RAB36: variants seen among roughly 807,000 people sequenced by gnomAD.
RAB36 encodes RAB36, member RAS oncogene family.
A neutral mutation model predicts 39.3 loss-of-function variants in RAB36; 33 were observed. The ratio of observed to expected loss-of-function variants is 0.84; its 90% CI spans 0.64 to 1.12. RAB36 has a LOEUF of 1.12. Ranked by LOEUF, RAB36 falls within the 50% of genes most tolerant of loss-of-function variation. RAB36 has a pLI of 0.00. For missense variants in RAB36, 308 were observed against 355.3 expected (o/e 0.87, Z 1.07); for synonymous variants, 133 against 140.2 (o/e 0.95, Z 0.36).
In RAB36 at chr22:23,163,082, TG is replaced by T; in HGVS notation, c.*1519del. The T allele has an allele frequency of 8.3e-6, 2 of 240,826 alleles. No homozygotes were observed. Among genetic ancestry groups the T allele is most frequent in the Non-Finnish European group, 1.6e-5 (2 of 121,476 alleles). 14.9% of individuals were successfully genotyped at this position (240,826 alleles called of 1,614,324 possible). ...ATGCACCACCATGCCTGGCTAATTT[TG>T]TATTTTTAGTAGAGATGGGGTTTCT... is the stretch of plus-strand genomic sequence containing the variant. On this transcript the variant is annotated 3_prime_UTR_variant, in exon 11 of 11. Coordinates refer to ENST00000263116, the MANE Select transcript of RAB36 (RefSeq NM_004914.5).
At chr22:23,155,508 G>A (rs1360560914) in intron 5 of RAB36, among the ~76,000 whole-genome samples, 1 of 152,210 alleles carries the variant, frequency 6.6e-6, no homozygotes, top group African/African-American at 2.4e-5. Context: ...GACCTGCAGT[G>A]TGGAAGGTGA....
rs1418219408 is a variant in RAB36 at position 23,155,984 on chromosome 22, C to T, written c.346C>T (p.Gln116Ter). The T allele has an allele frequency of 6.2e-7, 1 of 1,612,348 alleles. No individual in the cohort carries two copies. Among genetic ancestry groups the T allele is most frequent in the Admixed American group, 1.7e-5 (1 of 59,830 alleles). ...ACCTCACAGCTGGGACACAGCTGGG[C>T]AGGAGAAGTTCAAGTGCATCGCATC... Reference protein sequence around the residue: ...YSLQIWDTAGQEKFKCIASAY... With the variant: ...YSLQIWDTAG The change falls in exon 6 of 11, where the codon CAG becomes TAG. Residue 116 changes from glutamine to a stop codon, truncating the protein, a stop_gained. Transcript: ENST00000263116. LOFTEE classifies it high-confidence loss of function.
Position 23,161,546 on chromosome 22 carries a change from C to T in RAB36, c.786C>T (p.Ser262=). 1 of 1,611,990 alleles carries T rather than the reference C, an allele frequency of 6.2e-7. No homozygotes were observed. The highest frequency in any genetic ancestry group is 8.5e-7 in the Non-Finnish European group (1 of 1,179,240). ...PPETQESKRP[S]SLGCC ...AGACCCAGGAGAGCAAGAGGCCCTC[C>T]AGCCTGGGCTGCTGCTAACTGGGGC... The change falls in exon 11 of 11, where the codon TCC becomes TCT. Residue 262 remains serine (S), a synonymous_variant. Transcript: ENST00000263116.
chr22:23,159,309 C>G, intron 9 of RAB36, 56 bp downstream of exon 9: 1 of 1,464,496 alleles, frequency 6.8e-7, no homozygotes, highest in Non-Finnish European at 9.3e-7. Context: ...TTGGGCCAGT[C>G]CTGTGGGGCC....
At chr22:23,158,136 G>C in intron 7 of RAB36, 93 bp downstream of exon 7, 1 of 1,564,442 alleles carries the variant, frequency 6.4e-7, no homozygotes, top group Non-Finnish European at 8.6e-7. Context: ...CCCTGACCCC[G>C]TGGTGGGTGT....
intron 4 of RAB36, among the ~76,000 whole-genome samples, chr22:23,152,831 C>T (rs755215496): frequency 1.1e-4 from 17 of 152,246 alleles, no homozygotes; most frequent in Admixed American, 3.3e-4. Flanking sequence ...TTCTAACTCA[C>T]AGCTTGCCTT....
At chr22:23,159,367 G>C in intron 9 of RAB36, 114 bp downstream of exon 9, 1 of 1,041,694 alleles carries the variant, frequency 9.6e-7, no homozygotes, top group Non-Finnish European at 1.4e-6. Flanking sequence ...TCCCTCTGTG[G>C]CCCTGGTGCA....
At position 23,150,116 on chromosome 22, in the gene RAB36, C is replaced by T; in HGVS notation, c.123C>T (p.Val41=). The T allele has an allele frequency of 1.9e-6, 3 of 1,612,600 alleles. No homozygotes were observed. Among genetic ancestry groups the T allele is most frequent in the Non-Finnish European group, 2.5e-6 (3 of 1,179,486 alleles). Residue 41 remains valine, a synonymous_variant, in exon 3 of 11, where the codon GTC becomes GTT. Transcript: ENST00000263116. The stretch of plus-strand genomic sequence containing the variant: ...TCAGGGAGCACTTCCACGGGCAGGT[C>T]AGCGCTGCCTGCCAACGCAGGAACA... ...LQLREHFHGQ[V]SAACQRRNTG...
Position 23,162,887 on chromosome 22 carries a change from A to AT in RAB36, c.*1329dup. The AT allele has an allele frequency of 1.6e-5, 5 of 318,438 alleles. 1 individual carries two copies. The Middle Eastern group carries it at 1.2e-3, about 79-fold the overall frequency. The allele number at this position is 318,438 out of a possible 1,614,324, so 19.7% of individuals were successfully genotyped here. On this transcript the variant is annotated 3_prime_UTR_variant, in exon 11 of 11. Transcript: ENST00000263116. ...TTTCTATTCATTCCCCCTTCAACAT[A>AT]TTTTTTGTAGTTTTTTATATAAATG...
At position 23,146,640 on chromosome 22, in the gene RAB36, G is replaced by C; in HGVS notation, c.24G>C (p.Leu8Phe). Residue 8 changes from leucine (L) to phenylalanine (F), a missense_variant, in exon 2 of 11, where the codon TTG becomes TTC. By Grantham distance (22) the Leu-to-Phe change is conservative. Coordinates refer to ENST00000263116, the MANE Select transcript of RAB36 (RefSeq NM_004914.5). Reference protein sequence around the residue: MRSSLTPLGPPVSRDRVI... With the variant: MRSSLTPFGPPVSRDRVI... ...GAATGAGGTCCTCCCTGACACCTTT[G>C]GGGCCCCCTGTGAGCCGCGACCGTG... is the stretch of plus-strand genomic sequence containing the variant. 1 of 1,614,036 alleles carries C rather than the reference G, an allele frequency of 6.2e-7. No homozygotes were observed. Among genetic ancestry groups the C allele is most frequent in the African/African-American group, 1.3e-5 (1 of 75,018 alleles).
chr22:23,168,543 C>T (rs578184908), downstream of RAB36, among the ~76,000 whole-genome samples: 2 of 152,200 alleles, frequency 1.3e-5, no homozygotes, highest in East Asian at 1.9e-4. Flanking sequence ...GTGTGAGATG[C>T]GATGCCCTCC....
At chr22:23,152,225 C>T (rs2071187350) in intron 3 of RAB36, among the ~76,000 whole-genome samples, 1 of 152,146 alleles carries the variant, frequency 6.6e-6, no homozygotes, top group African/African-American at 2.4e-5. Flanking sequence ...AGGATGGGGA[C>T]TTTGGCCAAA....
At chr22:23,166,007 A>G (rs1030827423), downstream of RAB36, among the ~76,000 whole-genome samples, 115 of 152,024 alleles carry the variant, frequency 7.6e-4, no homozygotes, top group Middle Eastern at 3.4e-3. Context: ...TTAGCCAGGC[A>G]TGGTGGCACG....
Position 23,165,207 on chromosome 22 carries a change from C to T in RAB36, c.*3643C>T, listed in dbSNP as rs1486876066. On this transcript the variant is annotated 3_prime_UTR_variant, in exon 11 of 11. Coordinates refer to ENST00000263116, the MANE Select transcript of RAB36 (RefSeq NM_004914.5). ...GTGCTCAATAGATGTGTAAAGAAGG[C>T]AGGGAAGCAAGAAGGTTGCTCAAAC... Among the ~76,000 whole-genome samples, 1 of 152,218 alleles carries T rather than the reference C, an allele frequency of 6.6e-6. No individual in the cohort carries two copies. Among genetic ancestry groups the T allele is most frequent in the Non-Finnish European group, 1.5e-5 (1 of 68,032 alleles).
In RAB36 at chr22:23,152,491, C is replaced by T. The variant is rs114023206; in HGVS notation, c.192C>T (p.Gly64=). The T allele has an allele frequency of 8.5e-5, 137 of 1,614,154 alleles. No homozygotes were observed. The African/African-American group carries it at 1.5e-3, about 17-fold the overall frequency. Residue 64 remains glycine (G), a synonymous_variant, in exon 4 of 11, where the codon GGC becomes GGT. Coordinates refer to ENST00000263116, the MANE Select transcript of RAB36 (RefSeq NM_004914.5). ...AACTCTCCAAGGTGGTGGTGGTTGG[C>T]GATCTCTACGTGGGGAAGACCAGCC... ...GLKLSKVVVV[G]DLYVGKTSLI...
In RAB36 at chr22:23,159,240, G is replaced by T. The variant is rs1569216617; in HGVS notation, c.606G>T (p.Val202=). Residue 202 remains valine, a synonymous_variant, in exon 9 of 11, where the codon GTG becomes GTT. Transcript: ENST00000263116. ...AREMQAEYWS[V]SAKTGENVKA... is the part of the protein sequence containing the mutation. ...AGATGCAGGCCGAGTACTGGTCAGT[G>T]TCGGCCAAGACTGGTGAGTGGGCCA... 2 of 1,595,474 alleles carry T rather than the reference G, an allele frequency of 1.3e-6. No homozygotes were observed. The highest frequency in any genetic ancestry group is 2.7e-5 in the African/African-American group (2 of 74,726).
chr22:23,158,355 T>A (rs1487127308), intron 7 of RAB36, among the ~76,000 whole-genome samples: 1 of 152,248 alleles, frequency 6.6e-6, no homozygotes, highest in Non-Finnish European at 1.5e-5. Flanking sequence ...ACTTTTTGAA[T>A]GAGGTGCCCC....
intron 3 of RAB36, 48 bp downstream of exon 3, chr22:23,150,202 G>C (rs1198748495): frequency 7.0e-7 from 1 of 1,422,882 alleles, no homozygotes; most frequent in Admixed American, 1.9e-5. Context: ...AAGAAGGAAT[G>C]AGTGCATGAA....
intron 9 of RAB36, among the ~76,000 whole-genome samples, chr22:23,160,450 G>A (rs796735237): frequency 1.1e-4 from 17 of 152,338 alleles, no homozygotes; most frequent in African/African-American, 3.8e-4. Flanking sequence ...GGCTCCATGT[G>A]GGGGCTGACA....
Sources: gnomAD v4.1 joint callset for allele counts (sites outside exome capture counted in the v4.1 genomes callset) on GRCh38, gnomAD v4.1.1 for gene constraint, MANE v1.5 for transcripts, NCBI Gene and HGNC (gene_info 2026-07-23, HGNC 2026-07-21) for gene names.